Variants in TTC23L observed in about 807,000 individuals in gnomAD.
The protein encoded by TTC23L is tetratricopeptide repeat protein 23-like.
TTC23L carries 42 observed loss-of-function variants against 48.1 expected under a neutral mutation model. The ratio of observed to expected loss-of-function variants is 0.87; its 90% CI spans 0.68 to 1.13. TTC23L has a LOEUF of 1.13. TTC23L is among the 50% of genes most tolerant of loss of function. The pLI is 0.00. For synonymous variants in TTC23L, 159 were observed against 157.2 expected (o/e 1.01, Z -0.09); for missense variants, 391 against 421.0 (o/e 0.93, Z 0.62).
chr5:34,846,600 T>TATATATATATATATATATACACAC (rs61009546), intron 3 of TTC23L, among the ~76,000 whole-genome samples: 6 of 92,900 alleles, frequency 6.5e-5, no homozygotes, highest in African/African-American at 3.1e-4. Context: ...TATATATATA[T>TATATATATATATATATATACACAC]ACACACACAT....
At chr5:34,911,543 C>T in the TTC23L span, 1 of 1,613,646 alleles carries the variant, frequency 6.2e-7, no homozygotes, top group South Asian at 1.1e-5. Context: ...AACTGCACTG[C>T]TCTCAAGTAC....
chr5:34,899,657 G>A (rs147667883), downstream of TTC23L, among the ~76,000 whole-genome samples: 2 of 152,142 alleles, frequency 1.3e-5, no homozygotes, highest in Non-Finnish European at 2.9e-5. Context: ...TTGGGAGGCC[G>A]AGGCAGGCCA....
At chr5:34,918,957 CAAG>C in the TTC23L span, 1 of 151,348 alleles carries the variant, frequency 6.6e-6, no homozygotes, top group Non-Finnish European at 1.5e-5. Flanking sequence ...ATTTTACAGG[CAAG>C]AACAGTATGG....
chr5:34,849,889 A>G (rs1227878345), intron 3 of TTC23L, among the ~76,000 whole-genome samples: 1 of 152,204 alleles, frequency 6.6e-6, no homozygotes, highest in Non-Finnish European at 1.5e-5. Context: ...TTATGTAGAA[A>G]GTAGACTGTG....
chr5:34,883,840 A>G (rs1762390008), intron 9 of TTC23L, among the ~76,000 whole-genome samples: 1 of 152,218 alleles, frequency 6.6e-6, no homozygotes. Flanking sequence ...AAGAAGAATT[A>G]ATATTGCTAA....
In TTC23L at chr5:34,896,661, T is replaced by G. The variant is rs150803085; in HGVS notation, c.1078-109T>G. On this transcript the variant is annotated intron_variant, in intron 9 of 10. Coordinates refer to ENST00000505624, the Ensembl canonical transcript of TTC23L. ...GAGAAAACATGAAGAAATAATAACATGAAATTTAAGTTCTGGAATAGCATT... is the reference window on the plus strand; with the variant it reads ...GAGAAAACATGAAGAAATAATAACAGGAAATTTAAGTTCTGGAATAGCATT... 3.7e-4 allele frequency: 262 copies of G among 715,578 alleles called. No individual in the cohort carries two copies. The African/African-American group carries it at 4.1e-3, about 11-fold the overall frequency. 44.3% of individuals were successfully genotyped at this position (715,578 alleles called of 1,614,324 possible). A position where few individuals can be genotyped will look rare whatever the true frequency, so the allele number is the denominator to read the frequency against.
rs192147482 is a variant in TTC23L, at chr5:34,879,353, T to C, written c.950-828T>C. Among the ~76,000 whole-genome samples the C allele has an allele frequency of 1.9e-3, 293 of 152,320 alleles. 2 individuals are homozygous for C. The highest frequency in any genetic ancestry group is 6.8e-3 in the African/African-American group (282 of 41,570). Reference sequence around the variant, plus strand: ...AGAAAAGTATGGTATTGGCAAAATTTTCCCATTGTTTCTGTGTATTTTCTA... The same window carrying C: ...AGAAAAGTATGGTATTGGCAAAATTCTCCCATTGTTTCTGTGTATTTTCTA... On this transcript the variant is annotated intron_variant, in intron 8 of 10. Coordinates refer to ENST00000505624, the Ensembl canonical transcript of TTC23L.
At chr5:34,923,147 A>G in the TTC23L span, 3 of 1,613,696 alleles carry the variant, frequency 1.9e-6, no homozygotes, top group South Asian at 3.3e-5. Flanking sequence ...TTAGTACACC[A>G]CGGTATCATC....
At chr5:34,921,198 T>TA in the TTC23L span, 4 of 152,314 alleles carry the variant, frequency 2.6e-5, no homozygotes, top group Admixed American at 1.3e-4. Context: ...CTATATTAAT[T>TA]AGAGTTTATG....
chr5:34,924,972 C>A, the TTC23L span: 1 of 1,612,766 alleles, frequency 6.2e-7, no homozygotes, highest in South Asian at 1.1e-5. Flanking sequence ...AGTCACCAAA[C>A]ATGGTAAGCG....
At chr5:34,862,867 C>G in intron 4 of TTC23L, 31 bp from the exon 5 acceptor site, 1 of 1,611,528 alleles carries the variant, frequency 6.2e-7, no homozygotes, top group East Asian at 2.2e-5. Context: ...TAATGTCTGT[C>G]TTCTTGCTCC....
At chr5:34,851,981 G>A (rs562651356) in intron 4 of TTC23L, among the ~76,000 whole-genome samples, 2 of 152,298 alleles carry the variant, frequency 1.3e-5, no homozygotes, top group African/African-American at 4.8e-5. Flanking sequence ...GAAGGCTGCC[G>A]AGAGAAAGTG....
chr5:34,919,334 G>A, the TTC23L span, among the ~76,000 whole-genome samples: 25 of 149,828 alleles, frequency 1.7e-4, no homozygotes, highest in African/African-American at 5.9e-4. Context: ...GCCATCATAT[G>A]GCTGTTGTTG....
the TTC23L span, among the ~76,000 whole-genome samples, chr5:34,919,622 C>A: frequency 4.6e-5 from 7 of 152,238 alleles, no homozygotes; most frequent in Admixed American, 4.6e-4. Context: ...ATTTCTAATT[C>A]TTACAGACTA....
intron 4 of TTC23L, among the ~76,000 whole-genome samples, chr5:34,861,895 T>C (rs1364474571): frequency 6.6e-6 from 1 of 152,162 alleles, no homozygotes; most frequent in Admixed American, 6.5e-5. Context: ...CTACCTCTGT[T>C]GACTGGACAA....
rs186800447 is a variant in TTC23L, at chr5:34,890,475, T to A, written c.1078-6295T>A. 8.8e-3 allele frequency among the ~76,000 whole-genome samples: 1,319 copies of A among 149,960 alleles called. 16 individuals carry two copies. The highest frequency in any genetic ancestry group is 0.013 in the Non-Finnish European group (861 of 67,668). On this transcript the variant is annotated intron_variant, in intron 9 of 10. Transcript: ENST00000505624. Reference sequence around the variant, plus strand: ...AAAAAAAAAAAAAAAAGGTTGGGTATTTTGTTCATAAGATAGCTGGTAAAT... The same window carrying A: ...AAAAAAAAAAAAAAAAGGTTGGGTAATTTGTTCATAAGATAGCTGGTAAAT...
intron 9 of TTC23L, among the ~76,000 whole-genome samples, chr5:34,881,796 C>T (rs962845038): frequency 2.7e-5 from 4 of 147,268 alleles, no homozygotes; most frequent in Non-Finnish European, 6.0e-5. Context: ...GACAGAGTCA[C>T]TCTGTTGCCC....
intron 4 of TTC23L, chr5:34,861,273 G>C (rs1760634028): frequency 1.3e-5 from 2 of 156,498 alleles, no homozygotes; most frequent in Non-Finnish European, 2.8e-5. Context: ...GCCAGATGCT[G>C]TATTTCTTCT....
At chr5:34,866,024 T>C (rs1761028398) in intron 6 of TTC23L, among the ~76,000 whole-genome samples, 1 of 152,238 alleles carries the variant, frequency 6.6e-6, no homozygotes, top group African/African-American at 2.4e-5. Context: ...TTATAGAGTT[T>C]GAGAAAGCTC....
Sources: allele counts gnomAD v4.1 joint callset (sites outside exome capture counted in the v4.1 genomes callset), GRCh38; gene constraint gnomAD v4.1.1; transcripts MANE v1.5; gene names NCBI Gene and HGNC (gene_info 2026-07-23, HGNC 2026-07-21).